The following PHIP variants were observed in gnomAD, a reference collection of about 807,000 sequenced individuals.
The protein encoded by PHIP is PH-interacting protein.
In PHIP, 54 loss-of-function variants were observed where a neutral mutation model predicts 236.8. The observed-to-expected ratio is 0.23, with a 90% CI of 0.18 to 0.29. PHIP has a LOEUF of 0.29. Ranked by LOEUF, PHIP falls within the 10% of genes least tolerant of loss-of-function variation. The probability of loss-of-function intolerance (pLI) is 1.00; values close to 1 mark genes in which losing one functional copy is unlikely to be tolerated. For synonymous variants in PHIP, 756 were observed against 718.9 expected, an observed-to-expected ratio of 1.05 and a Z score of -0.83; for missense variants, 1,370 against 2,190.8, an observed-to-expected ratio of 0.63 and a Z score of 7.48.
rs760485393 is a variant in PHIP at position 78,955,290 on chromosome 6, G to C, written c.3853-8C>G. ...AGCATCTTTCTCTTCATCCTTTGAG[G>C]CAAGAATTTACCAGATTCATAAAAC... is the stretch of plus-strand genomic sequence containing the variant. On this transcript the variant is annotated splice_polypyrimidine_tract_variant and splice_region_variant and intron_variant, in intron 33 of 39. Transcript: ENST00000275034. The C allele has an allele frequency of 1.3e-6, 2 of 1,597,800 alleles. No individual in the cohort carries two copies. Among genetic ancestry groups the C allele is most frequent in the Non-Finnish European group, 1.7e-6 (2 of 1,167,312 alleles).
intron 9 of PHIP, among the ~76,000 whole-genome samples, chr6:79,024,437 C>T (rs546679906): frequency 1.8e-4 from 28 of 152,274 alleles, no homozygotes; most frequent in African/African-American, 6.7e-4. Flanking sequence ...CAATTGAATA[C>T]ACTACTTTCT....
intron 6 of PHIP, among the ~76,000 whole-genome samples, chr6:79,057,086 G>C (rs1298247855): frequency 2.0e-5 from 3 of 152,082 alleles, no homozygotes; most frequent in Admixed American, 6.6e-5. Flanking sequence ...GGTTCAGAGA[G>C]TGTCAAAAAT....
chr6:79,078,231 A>G lies in PHIP; in HGVS notation c.-163T>C. 1.6e-6 allele frequency: 1 copy of G among 641,182 alleles called. No individual in the cohort carries two copies. The highest frequency in any genetic ancestry group is 2.7e-6 in the Non-Finnish European group (1 of 370,456). 39.7% of individuals were successfully genotyped at this position (641,182 alleles called of 1,614,324 possible). ...CGGAGGCGGAGGAGGAGGAGGAGGA[A>G]ACAACAACTCTCAGGCAGCGACTAC... On this transcript the variant is annotated 5_prime_UTR_variant, in exon 1 of 40. Coordinates refer to ENST00000275034, the MANE Select transcript of PHIP (RefSeq NM_017934.7).
At position 78,993,641 on chromosome 6, in the gene PHIP, G is replaced by T. The variant is rs191738472; in HGVS notation, c.2202-2656C>A. Among the ~76,000 whole-genome samples, 615 of 152,280 alleles carry T rather than the reference G, an allele frequency of 4.0e-3. 3 individuals are homozygous for T. The highest frequency in any genetic ancestry group is 8.1e-3 in the Admixed American group (124 of 15,290). ...TGGCAGCACATCTATTTATAGCATGGTTTACTGAATATTTTTAGCCCACTG... is the reference window on the plus strand; with the variant it reads ...TGGCAGCACATCTATTTATAGCATGTTTTACTGAATATTTTTAGCCCACTG... On this transcript the variant is annotated intron_variant, in intron 19 of 39. Transcript: ENST00000275034.
At chr6:78,997,735 A>T in intron 18 of PHIP, 138 bp from the exon 19 acceptor site, 1 of 692,060 alleles carries the variant, frequency 1.4e-6, no homozygotes, top group South Asian at 2.1e-5. Context: ...CATATCAGGA[A>T]CTAAACCACA....
At chr6:79,024,734 G>A (rs1771303734) in intron 9 of PHIP, among the ~76,000 whole-genome samples, 1 of 152,176 alleles carries the variant, frequency 6.6e-6, no homozygotes, top group South Asian at 2.1e-4. Flanking sequence ...GAACCCGGGA[G>A]GCAGAGCTTG....
intron 9 of PHIP, among the ~76,000 whole-genome samples, chr6:79,022,881 G>C (rs557093713): frequency 2.2e-4 from 33 of 152,268 alleles, no homozygotes; most frequent in African/African-American, 7.9e-4. Context: ...GATTTCTAAA[G>C]TCATTTCCCC....
intron 23 of PHIP, among the ~76,000 whole-genome samples, chr6:78,979,427 GT>G (rs950497668): frequency 4.0e-5 from 6 of 151,382 alleles, no homozygotes; most frequent in East Asian, 1.9e-4. Flanking sequence ...ACAGCCTAGA[GT>G]TTTTTTTTAA....
rs1487816101 is a variant in PHIP at position 78,967,900 on chromosome 6, T to C, written c.3206-1844A>G. 2.0e-5 allele frequency among the ~76,000 whole-genome samples: 3 copies of C among 152,116 alleles called. No individual in the cohort carries two copies. In the South Asian group the frequency reaches 6.2e-4, roughly 32 times the overall value. On this transcript the variant is annotated intron_variant, in intron 27 of 39. Transcript: ENST00000275034. ...CTGTAATCCTAGCACTTTGGGAGGC[T>C]GAGGCGGGCGGATCACAAGGTCAGG...
intron 6 of PHIP, among the ~76,000 whole-genome samples, chr6:79,056,307 A>C (rs1051886814): frequency 2.6e-5 from 4 of 152,198 alleles, no homozygotes; most frequent in Non-Finnish European, 5.9e-5. Context: ...ACATGTGAGG[A>C]GACAAAAGGA....
intron 15 of PHIP, among the ~76,000 whole-genome samples, chr6:79,013,760 T>C (rs1203574605): frequency 6.6e-6 from 1 of 151,648 alleles, no homozygotes; most frequent in Non-Finnish European, 1.5e-5. Context: ...CCAAACACTC[T>C]ACCAATATAA....
Position 78,985,426 on chromosome 6 carries a change from T to C in PHIP, c.2463A>G (p.Glu821=). 1 of 1,552,778 alleles carries C rather than the reference T, an allele frequency of 6.4e-7. No homozygotes were observed. Among genetic ancestry groups the C allele is most frequent in the South Asian group, 1.1e-5 (1 of 89,756 alleles). The stretch of plus-strand genomic sequence containing the variant: ...CACCACTGACAGCAACTACTTCGCC[T>C]TCCTAAGATATGTTGAATACATGTC... ...EIENGSSSSD[E]GEVVAVSGGT... Residue 821 remains glutamate (E), a splice_region_variant and synonymous_variant, in exon 22 of 40, where the codon GAA becomes GAG. Coordinates refer to ENST00000275034, the MANE Select transcript of PHIP (RefSeq NM_017934.7).
At chr6:79,043,149 C>A in intron 6 of PHIP, 146 bp from the exon 7 acceptor site, 1 of 626,982 alleles carries the variant, frequency 1.6e-6, no homozygotes, top group South Asian at 2.0e-5. Flanking sequence ...AGTTAAAAGT[C>A]TTTAAAGTAA....
Position 78,936,419 on chromosome 6 carries a change from TC to T in PHIP, c.*4273del, listed in dbSNP as rs994650439. ...TCCAAAAATGTAACTTTGTATTGTCTCATGTTATAGTCTATCATTGTGACTA... is the reference window on the plus strand; with the variant it reads ...TCCAAAAATGTAACTTTGTATTGTCTATGTTATAGTCTATCATTGTGACTA... On this transcript the variant is annotated 3_prime_UTR_variant, in exon 40 of 40. Transcript: ENST00000275034. 6.6e-6 allele frequency: 1 copy of T among 151,856 alleles called. No individual in the cohort carries two copies. The highest frequency in any genetic ancestry group is 2.4e-5 in the African/African-American group (1 of 41,408). The allele number at this position is 151,856 out of a possible 1,614,324, so 9.4% of individuals were successfully genotyped here.
At chr6:78,961,083 A>G (rs1003036968) in intron 31 of PHIP, among the ~76,000 whole-genome samples, 1 of 152,080 alleles carries the variant, frequency 6.6e-6, no homozygotes, top group Non-Finnish European at 1.5e-5. Context: ...CATTTTAGGT[A>G]ATAATAAAGC....
intron 24 of PHIP, among the ~76,000 whole-genome samples, chr6:78,974,369 T>C (rs1397962195): frequency 1.3e-5 from 2 of 151,392 alleles, no homozygotes; most frequent in Non-Finnish European, 2.9e-5. Context: ...TGGGACGCAT[T>C]CAAAGCAGTG....
chr6:79,052,438 G>C (rs1328012574), intron 6 of PHIP, among the ~76,000 whole-genome samples: 1 of 152,190 alleles, frequency 6.6e-6, no homozygotes, highest in Non-Finnish European at 1.5e-5. Flanking sequence ...GGACTATATA[G>C]AGTGCTTTCT....
chr6:79,028,016 T>C (rs1771492180), intron 7 of PHIP, among the ~76,000 whole-genome samples: 1 of 152,150 alleles, frequency 6.6e-6, no homozygotes, highest in East Asian at 1.9e-4. Context: ...ACAGTATTCA[T>C]ATTCTTATTT....
chr6:78,968,283 C>T (rs1261449582), intron 27 of PHIP, among the ~76,000 whole-genome samples: 1 of 152,216 alleles, frequency 6.6e-6, no homozygotes, highest in African/African-American at 2.4e-5. Flanking sequence ...TTTCTTCACT[C>T]ATCAATTTTT....
Sources: gnomAD v4.1 joint callset for allele counts (sites outside exome capture counted in the v4.1 genomes callset) on GRCh38, gnomAD v4.1.1 for gene constraint, MANE v1.5 for transcripts, NCBI Gene and HGNC (gene_info 2026-07-23, HGNC 2026-07-21) for gene names.